Variants in PIK3CB observed in about 807,000 individuals in gnomAD.
PIK3CB encodes the protein phosphatidylinositol-4,5-bisphosphate 3-kinase catalytic subunit beta, also known as phosphatidylinositol 4,5-bisphosphate 3-kinase catalytic subunit beta isoform.
A neutral mutation model predicts 136.8 loss-of-function variants in PIK3CB; 39 were observed. The observed-to-expected ratio is 0.29, with a 90% CI of 0.22 to 0.37. The LOEUF is 0.37. Ranked by LOEUF, PIK3CB falls within the 10% of genes least tolerant of loss-of-function variation. The pLI, the probability that PIK3CB is intolerant of heterozygous loss-of-function variation, is 1.00. For synonymous variants in PIK3CB, 428 were observed against 436.6 expected, an observed-to-expected ratio of 0.98 and a Z score of 0.25; for missense variants, 868 against 1,275.4, an observed-to-expected ratio of 0.68 and a Z score of 4.87.
In PIK3CB at chr3:138,677,094, G is replaced by A. The variant is rs922138388; in HGVS notation, c.2504+4873C>T. Among the ~76,000 whole-genome samples the A allele has an allele frequency of 7.4e-5, 10 of 134,514 alleles. No individual in the cohort carries two copies. The South Asian group carries it at 2.3e-3, about 31-fold the overall frequency. The allele number at this position is 134,514 out of a possible 152,430, so 88.2% of individuals were successfully genotyped here. A position where few individuals can be genotyped will look rare whatever the true frequency, so the allele number is the denominator to read the frequency against. On this transcript the variant is annotated intron_variant, in intron 19 of 23. Transcript: ENST00000674063. ...TTTTTTGAGATGGAGCTTCGCTCTT[G>A]TTGCCCAGGCTGGAGTATGCAATGG...
At position 138,796,572 on chromosome 3, in the gene PIK3CB, A is replaced by C. The variant is rs1347399567; in HGVS notation, c.-121-5T>G. ...TTTTTCCAGTTAAAACATACACTACAAAAAAGGTTGAAGACAAAAGTATTA... is the reference window on the plus strand; with the variant it reads ...TTTTTCCAGTTAAAACATACACTACCAAAAAGGTTGAAGACAAAAGTATTA... On this transcript the variant is annotated splice_polypyrimidine_tract_variant and splice_region_variant and intron_variant, in intron 1 of 23. Transcript: ENST00000674063. The C allele has an allele frequency of 6.6e-6, 1 of 152,134 alleles. No individual in the cohort carries two copies. Among genetic ancestry groups the C allele is most frequent in the African/African-American group, 2.4e-5 (1 of 41,430 alleles). The allele number at this position is 152,134 out of a possible 1,614,324, so 9.4% of individuals were successfully genotyped here. A position where few individuals can be genotyped will look rare whatever the true frequency, so the allele number is the denominator to read the frequency against.
At chr3:138,725,385 G>A (rs191775) in intron 8 of PIK3CB, among the ~76,000 whole-genome samples, 90,919 of 151,890 alleles carry the variant, frequency 0.6, 28,047 homozygotes, top group East Asian at 0.98. Context: ...TGACTTTGCC[G>A]ATAATCTAGT....
chr3:138,687,228 CAA>C (rs11288177), intron 16 of PIK3CB, among the ~76,000 whole-genome samples: 73,122 of 142,336 alleles, frequency 0.51, 19,786 homozygotes, highest in East Asian at 0.98. Context: ...ATTCATCAAT[CAA>C]AAAAAAAAAA....
Position 138,681,961 on chromosome 3 carries a change from T to C in PIK3CB, c.2504+6A>G. ...GACTGAAAAAAAAAAAAAGACTAGA[T>C]CTCACCGAAGATCCAAACCAGCTTC... On this transcript the variant is annotated splice_donor_region_variant and intron_variant, in intron 19 of 23. Coordinates refer to ENST00000674063, the MANE Select transcript of PIK3CB (RefSeq NM_006219.3). 6.4e-7 allele frequency: 1 copy of C among 1,569,674 alleles called. No homozygotes were observed. The highest frequency in any genetic ancestry group is 8.7e-7 in the Non-Finnish European group (1 of 1,152,086).
In PIK3CB at chr3:138,654,138, CTCAG is replaced by C. The variant is rs923215889; in HGVS notation, c.*1247_*1250del. The C allele has an allele frequency of 9.8e-6, 2 of 204,458 alleles. No homozygotes were observed. The highest frequency in any genetic ancestry group is 4.6e-5 in the African/African-American group (2 of 43,758). 12.7% of individuals were successfully genotyped at this position (204,458 alleles called of 1,614,324 possible). ...AGAAAGCTCAGTCATAGGGCAAATA[CTCAG>C]TTCTCTTTCCCATATCACCGAGGAT... On this transcript the variant is annotated 3_prime_UTR_variant, in exon 24 of 24. Coordinates refer to ENST00000674063, the MANE Select transcript of PIK3CB (RefSeq NM_006219.3).
intron 8 of PIK3CB, among the ~76,000 whole-genome samples, chr3:138,721,412 G>C (rs1018005930): frequency 2.6e-5 from 4 of 152,130 alleles, no homozygotes; most frequent in Non-Finnish European, 5.9e-5. Flanking sequence ...TGTTCCACTT[G>C]TCTGGGCCTC....
Position 138,831,281 on chromosome 3 carries a change from A to AAATTAAATTAAATT in PIK3CB, c.-122+3413_-122+3414insAATTTAATTTAATT, listed in dbSNP as rs1553745244. The stretch of plus-strand genomic sequence containing the variant: ...TCAAATAAATAAAATAAAATAAAAT[A>AAATTAAATTAAATT]AAATTAAATTAAATTAAAATTAAAA... On this transcript the variant is annotated intron_variant, in intron 1 of 23. Coordinates refer to ENST00000674063, the MANE Select transcript of PIK3CB (RefSeq NM_006219.3). Among the ~76,000 whole-genome samples the AAATTAAATTAAATT allele has an allele frequency of 2.5e-3, 368 of 148,372 alleles. 2 individuals are homozygous for AAATTAAATTAAATT. The highest frequency in any genetic ancestry group is 8.6e-3 in the African/African-American group (340 of 39,522).
rs2043144334 is a variant in PIK3CB at position 138,653,106 on chromosome 3, T to A, written c.*2283A>T. 1.6e-5 allele frequency: 3 copies of A among 186,034 alleles called. No individual in the cohort carries two copies. The highest frequency in any genetic ancestry group is 3.4e-5 in the Non-Finnish European group (3 of 88,122). 11.5% of individuals were successfully genotyped at this position (186,034 alleles called of 1,614,324 possible). On this transcript the variant is annotated 3_prime_UTR_variant, in exon 24 of 24. Coordinates refer to ENST00000674063, the MANE Select transcript of PIK3CB (RefSeq NM_006219.3). The stretch of plus-strand genomic sequence containing the variant: ...ATAAATGAAAGATAATCTAAATAAA[T>A]GGGTACTCCACTTACATATTTTGGA...
At chr3:138,786,576 C>A (rs1383479375) in intron 2 of PIK3CB, among the ~76,000 whole-genome samples, 1 of 152,042 alleles carries the variant, frequency 6.6e-6, no homozygotes, top group African/African-American at 2.4e-5. Context: ...GAACTCCTCA[C>A]CTCAGGTCAT....
chr3:138,757,668 G>A (rs966040919), intron 3 of PIK3CB, among the ~76,000 whole-genome samples: 7 of 141,418 alleles, frequency 4.9e-5, no homozygotes, highest in African/African-American at 8.0e-5. Context: ...AAGGAGGGGA[G>A]GTAGGAAAAG....
intron 2 of PIK3CB, among the ~76,000 whole-genome samples, chr3:138,773,390 G>A (rs1206615817): frequency 1.3e-5 from 2 of 151,264 alleles, no homozygotes; most frequent in Non-Finnish European, 2.9e-5. Flanking sequence ...GTGAGATACT[G>A]TCAAAGAAAA....
intron 2 of PIK3CB, among the ~76,000 whole-genome samples, chr3:138,776,699 A>G (rs1482573889): frequency 7.1e-6 from 1 of 140,760 alleles, no homozygotes; most frequent in Non-Finnish European, 1.5e-5. Context: ...CTGTCTCAAA[A>G]AACAAACAAA....
rs1184724506 is a variant in PIK3CB, at chr3:138,759,186, G to T, written c.158C>A (p.Ser53Tyr). ...CTATTAACATACCTGCTTAATATAA[G>T]AAATGGTAGCTTCCCGAGGTACCTC... is the stretch of plus-strand genomic sequence containing the variant. ...QLEVPREATI[S>Y]YIKQMLWKQV... Residue 53 changes from serine to tyrosine, a missense_variant, in exon 3 of 24, where the codon TCT (serine) becomes TAT (tyrosine). By Grantham distance (144) the Ser-to-Tyr change is moderately radical. Transcript: ENST00000674063. 2 of 1,607,754 alleles carry T rather than the reference G, an allele frequency of 1.2e-6. No homozygotes were observed. The highest frequency in any genetic ancestry group is 2.2e-5 in the East Asian group (1 of 44,868).
intron 21 of PIK3CB, among the ~76,000 whole-genome samples, chr3:138,660,165 C>T (rs1216449492): frequency 2.0e-5 from 3 of 151,984 alleles, no homozygotes; most frequent in African/African-American, 7.2e-5. Flanking sequence ...CTCTCTGTTG[C>T]CTTAATATCC....
At chr3:138,826,104 G>A (rs1218291122) in intron 1 of PIK3CB, 1 of 1,040,544 alleles carries the variant, frequency 9.6e-7, no homozygotes, top group Non-Finnish European at 1.5e-6. Context: ...TAAGAAGCTG[G>A]AAGATGGCCC....
At position 138,789,993 on chromosome 3, in the gene PIK3CB, C is replaced by T. The variant is rs573078030; in HGVS notation, c.-17+6470G>A. ...CGTGAGCCACCAGGCCCAGCCTATT[C>T]AGCCTTTAAAAGGAATGAAATTCTA... On this transcript the variant is annotated intron_variant, in intron 2 of 23. Coordinates refer to ENST00000674063, the MANE Select transcript of PIK3CB (RefSeq NM_006219.3). Among the ~76,000 whole-genome samples the T allele has an allele frequency of 5.9e-5, 9 of 152,240 alleles. No individual in the cohort carries two copies. In the South Asian group the frequency reaches 1.7e-3, roughly 28 times the overall value.
At chr3:138,767,759 G>T (rs1432578290) in intron 2 of PIK3CB, among the ~76,000 whole-genome samples, 1 of 152,186 alleles carries the variant, frequency 6.6e-6, no homozygotes, top group Non-Finnish European at 1.5e-5. Context: ...TGGACCAGGT[G>T]TACCACAAGC....
chr3:138,730,361 C>T (rs769406782), intron 8 of PIK3CB, among the ~76,000 whole-genome samples: 4 of 152,010 alleles, frequency 2.6e-5, no homozygotes, highest in South Asian at 2.1e-4. Context: ...AAATAAAACA[C>T]GAATGAAGGC....
chr3:138,744,424 GAAGT>G (rs2045310909), intron 4 of PIK3CB, among the ~76,000 whole-genome samples: 4 of 60,320 alleles, frequency 6.6e-5, no homozygotes, highest in Non-Finnish European at 1.2e-4. Flanking sequence ...AAAAAAAAAG[GAAGT>G]GGATCACCAT....
Sources: gnomAD v4.1 joint callset for allele counts (sites outside exome capture counted in the v4.1 genomes callset) on GRCh38, gnomAD v4.1.1 for gene constraint, MANE v1.5 for transcripts, NCBI Gene and HGNC (gene_info 2026-07-23, HGNC 2026-07-21) for gene names.